NSUN6: variants seen among roughly 807,000 people sequenced by gnomAD.
NSUN6 encodes tRNA (cytosine(72)-C(5))-methyltransferase NSUN6.
A neutral mutation model predicts 58.0 loss-of-function variants in NSUN6; 64 were observed. That is an observed-to-expected ratio of 1.10 (90% CI 0.90 to 1.36). NSUN6 has a LOEUF of 1.36. NSUN6 is among the 40% of genes most tolerant of loss of function. The pLI, the probability that NSUN6 is intolerant of heterozygous loss-of-function variation, is 0.00. For synonymous variants in NSUN6, 231 were observed against 193.9 expected (o/e 1.19, Z -1.59); for missense variants, 701 against 550.1 (o/e 1.27, Z -2.74).
intron 7 of NSUN6, among the ~76,000 whole-genome samples, chr10:18,588,619 G>T (rs2057262094): frequency 6.6e-6 from 1 of 152,286 alleles, no homozygotes; most frequent in Non-Finnish European, 1.5e-5. Flanking sequence ...GCCTCCACTG[G>T]TGATACCCAG....
intron 3 of NSUN6, among the ~76,000 whole-genome samples, chr10:18,638,958 A>C (rs1233097343): frequency 6.6e-6 from 1 of 150,442 alleles, no homozygotes; most frequent in Non-Finnish European, 1.5e-5. Context: ...AAAAAAAAAA[A>C]AAAAAAAAAA....
At chr10:18,635,601 C>G (rs1478272220) in intron 3 of NSUN6, among the ~76,000 whole-genome samples, 4 of 152,026 alleles carry the variant, frequency 2.6e-5, no homozygotes, top group Non-Finnish European at 5.9e-5. Context: ...CTTTGGGAAG[C>G]CAAGGTGGGT....
At chr10:18,629,047 G>A (rs911705200) in intron 3 of NSUN6, among the ~76,000 whole-genome samples, 1 of 152,206 alleles carries the variant, frequency 6.6e-6, no homozygotes, top group Admixed American at 6.5e-5. Context: ...CAGACTAACA[G>A]CAGGTCTCTT....
chr10:18,584,510 A>G (rs1209986387), intron 8 of NSUN6, among the ~76,000 whole-genome samples: 1 of 152,218 alleles, frequency 6.6e-6, no homozygotes, highest in African/African-American at 2.4e-5. Flanking sequence ...AAATGAAGAC[A>G]AATGACCACA....
intron 8 of NSUN6, among the ~76,000 whole-genome samples, chr10:18,585,578 T>C (rs1235103833): frequency 6.6e-6 from 1 of 152,180 alleles, no homozygotes; most frequent in African/African-American, 2.4e-5. Flanking sequence ...TATTACACGA[T>C]CTCACTTAAG....
chr10:18,651,697 G>A, upstream of NSUN6: 2 of 985,510 alleles, frequency 2.0e-6, no homozygotes, highest in Non-Finnish European at 2.4e-6. Context: ...ATCCACAGCC[G>A]CAAGTTTCCC....
At chr10:18,611,219 A>T (rs573536388) in intron 5 of NSUN6, among the ~76,000 whole-genome samples, 30 of 152,178 alleles carry the variant, frequency 2.0e-4, no homozygotes, top group South Asian at 4.2e-4. Flanking sequence ...ATTTTTTTTA[A>T]AAATCATAAC....
rs1185720852 is a variant in NSUN6, at chr10:18,577,339, G to C, written c.922+8610C>G. ...TCTAATGAGTTAGCCAACAACTCAA[G>C]GGTAAATGACCCTTTTATAGAATGG... On this transcript the variant is annotated intron_variant, in intron 8 of 10. Coordinates refer to ENST00000377304, the MANE Select transcript of NSUN6 (RefSeq NM_182543.5). 2.0e-5 allele frequency among the ~76,000 whole-genome samples: 3 copies of C among 152,198 alleles called. No homozygotes were observed. The East Asian group carries it at 5.8e-4, about 29-fold the overall frequency.
intron 7 of NSUN6, among the ~76,000 whole-genome samples, chr10:18,587,891 T>G (rs997244713): frequency 1.3e-5 from 2 of 151,952 alleles, no homozygotes; most frequent in South Asian, 4.2e-4. Context: ...TTTTTTTTTG[T>G]ACCTCAGTGG....
At chr10:18,570,190 A>T (rs569779944) in intron 8 of NSUN6, among the ~76,000 whole-genome samples, 1 of 144,626 alleles carries the variant, frequency 6.9e-6, no homozygotes, top group Non-Finnish European at 1.5e-5. Context: ...ATTCTATTTC[A>T]TTCCATTCTC....
chr10:18,568,595 CACATTCAAATCCCCATTGCATTCCATTCT>C (rs1193868846), intron 8 of NSUN6, among the ~76,000 whole-genome samples: 4 of 147,592 alleles, frequency 2.7e-5, no homozygotes, highest in African/African-American at 1.0e-4. Flanking sequence ...CATTCCATTC[CACATTCAAATCCCCATTGCATTCCATTCT>C]CCATTCCATT....
intron 3 of NSUN6, among the ~76,000 whole-genome samples, chr10:18,631,126 C>A (rs1268394181): frequency 2.0e-5 from 3 of 152,114 alleles, no homozygotes; most frequent in Admixed American, 2.0e-4. Flanking sequence ...TGTAATCCAG[C>A]ATATAAACAG....
intron 9 of NSUN6, among the ~76,000 whole-genome samples, chr10:18,551,292 G>GTGTGTGTGTGTGTGT (rs34031704): frequency 1.1e-4 from 16 of 144,878 alleles, no homozygotes; most frequent in East Asian, 7.9e-4. Context: ...GTGTGTGTGT[G>GTGTGTGTGTGTGTGT]GTAAAATATA....
intron 8 of NSUN6, among the ~76,000 whole-genome samples, chr10:18,567,992 T>G (rs1468015826): frequency 6.6e-6 from 1 of 150,502 alleles, no homozygotes; most frequent in East Asian, 2.0e-4. Flanking sequence ...CATTCCATTC[T>G]CCATTCCTTT....
At chr10:18,562,195 T>A (rs891360690) in intron 8 of NSUN6, among the ~76,000 whole-genome samples, 2 of 146,608 alleles carry the variant, frequency 1.4e-5, no homozygotes, top group African/African-American at 5.1e-5. Flanking sequence ...GAGAATGGAA[T>A]GGAATGGAGA....
intron 6 of NSUN6, among the ~76,000 whole-genome samples, chr10:18,600,164 AGG>A (rs2057748196): frequency 3.3e-5 from 5 of 152,124 alleles, no homozygotes; most frequent in African/African-American, 1.2e-4. Context: ...TGGAAGCCAC[AGG>A]GGGTATTGGC....
In NSUN6 at chr10:18,545,884, A is replaced by T; in HGVS notation, c.*49T>A. On this transcript the variant is annotated 3_prime_UTR_variant, in exon 11 of 11. Transcript: ENST00000377304. Reference sequence around the variant, plus strand: ...CACTTTGGTTAAAAAAAAAAAAACCACAGACAGCAAATGTTTGGAATTTTC... The same window carrying T: ...CACTTTGGTTAAAAAAAAAAAAACCTCAGACAGCAAATGTTTGGAATTTTC... 1.8e-6 allele frequency: 2 copies of T among 1,084,936 alleles called. No individual in the cohort carries two copies. Among genetic ancestry groups the T allele is most frequent in the Non-Finnish European group, 1.4e-6 (1 of 725,880 alleles). 67.2% of individuals were successfully genotyped at this position (1,084,936 alleles called of 1,614,324 possible). A position where few individuals can be genotyped will look rare whatever the true frequency, so the allele number is the denominator to read the frequency against.
chr10:18,632,007 C>T (rs772383112), intron 3 of NSUN6, among the ~76,000 whole-genome samples: 366 of 151,874 alleles, frequency 2.4e-3, no homozygotes, highest in Middle Eastern at 0.02. Context: ...TCAAACTATA[C>T]TACAAGGCTA....
At chr10:18,638,303 A>G (rs1349018487) in intron 3 of NSUN6, among the ~76,000 whole-genome samples, 1 of 152,060 alleles carries the variant, frequency 6.6e-6, no homozygotes, top group Non-Finnish European at 1.5e-5. Flanking sequence ...TTAGCTGGGC[A>G]TGGTGGCAGC....
Sources: gnomAD v4.1 joint callset for allele counts (sites outside exome capture counted in the v4.1 genomes callset) on GRCh38, gnomAD v4.1.1 for gene constraint, MANE v1.5 for transcripts, NCBI Gene and HGNC (gene_info 2026-07-23, HGNC 2026-07-21) for gene names.